The following DGKB variants were observed in gnomAD, a reference collection of about 807,000 sequenced individuals.
The protein encoded by DGKB is 90 kDa diacylglycerol kinase.
Under a neutral mutation model 114.3 loss-of-function variants are expected in DGKB, and 67 were observed. The ratio of observed to expected loss-of-function variants is 0.59; its 90% CI spans 0.48 to 0.72. The LOEUF (loss-of-function observed/expected upper bound fraction) is 0.72, where lower values mean the gene tolerates loss of function less well. Ranked by LOEUF, DGKB falls within the 30% of genes least tolerant of loss-of-function variation. The pLI, the probability that DGKB is intolerant of heterozygous loss-of-function variation, is 0.00. For missense variants in DGKB, 907 were observed against 975.2 expected, an observed-to-expected ratio of 0.93 and a Z score of 0.93; for synonymous variants, 398 against 323.1, an observed-to-expected ratio of 1.23 and a Z score of -2.49.
At chr7:14,779,008 T>G (rs1256579943) in intron 2 of DGKB, among the ~76,000 whole-genome samples, 1 of 151,926 alleles carries the variant, frequency 6.6e-6, no homozygotes, top group East Asian at 1.9e-4. Context: ...CTACACAAAT[T>G]AGCTAGGCGT....
At chr7:14,925,024 T>G (rs181978152) in intron 1 of DGKB, among the ~76,000 whole-genome samples, 1 of 152,292 alleles carries the variant, frequency 6.6e-6, no homozygotes, top group Admixed American at 6.5e-5. Context: ...AATCATACAA[T>G]AGGTAACTTA....
intron 1 of DGKB, among the ~76,000 whole-genome samples, chr7:14,942,848 A>G (rs1026167000): frequency 1.3e-5 from 2 of 152,046 alleles, no homozygotes; most frequent in African/African-American, 2.4e-5. Context: ...TTCACTTGCA[A>G]TCTTCATATC....
At chr7:14,620,794 G>A (rs572007148) in intron 15 of DGKB, among the ~76,000 whole-genome samples, 13 of 151,710 alleles carry the variant, frequency 8.6e-5, no homozygotes, top group African/African-American at 1.2e-4. Context: ...TAACTTACAC[G>A]TTTTTATATA....
intron 6 of DGKB, among the ~76,000 whole-genome samples, chr7:14,703,825 A>T (rs1472341838): frequency 6.6e-6 from 1 of 152,132 alleles, no homozygotes; most frequent in Non-Finnish European, 1.5e-5. Context: ...AAATAATAAC[A>T]TGCTTTATTA....
intron 23 of DGKB, among the ~76,000 whole-genome samples, chr7:14,184,184 A>C (rs1267317462): frequency 1.3e-5 from 2 of 152,286 alleles, no homozygotes; most frequent in East Asian, 3.9e-4. Context: ...ACCATACCAC[A>C]GGGATCCAAC....
rs376950493 is a variant in DGKB, at chr7:14,685,360, G to A, written c.714C>T (p.Asn238=). The A allele has an allele frequency of 7.5e-6, 12 of 1,608,226 alleles. No homozygotes were observed. The East Asian group carries it at 1.8e-4, about 24-fold the overall frequency. Residue 238 remains asparagine, a splice_region_variant and synonymous_variant, in exon 10 of 26, where the codon AAC becomes AAT. Coordinates refer to ENST00000402815, the MANE Select transcript of DGKB (RefSeq NM_001350709.2). ...PLLVLLGLEN[N]VKDDGQHVWR... ...ACACGTGCTGTCCATCATCCTTCAC[G>A]TTCTGCATGGGACGTAAGAGAAACA...
chr7:14,762,722 C>T (rs1390441736), intron 2 of DGKB, among the ~76,000 whole-genome samples: 1 of 152,000 alleles, frequency 6.6e-6, no homozygotes, highest in Non-Finnish European at 1.5e-5. Context: ...TCTCAAAGGC[C>T]CCATGAAGTA....
chr7:14,686,699 C>A (rs947785045), intron 9 of DGKB, among the ~76,000 whole-genome samples: 1 of 152,052 alleles, frequency 6.6e-6, no homozygotes, highest in Admixed American at 6.5e-5. Flanking sequence ...TAGAGAAAAT[C>A]TACAGTAACT....
chr7:14,697,550 C>A (rs556554524), intron 8 of DGKB, among the ~76,000 whole-genome samples: 3 of 151,908 alleles, frequency 2.0e-5, no homozygotes, highest in Admixed American at 6.6e-5. Context: ...CCACATATAC[C>A]TTGTTATCTT....
chr7:14,263,637 C>A (rs1490908095), intron 23 of DGKB, among the ~76,000 whole-genome samples: 1 of 152,170 alleles, frequency 6.6e-6, no homozygotes, highest in Non-Finnish European at 1.5e-5. Flanking sequence ...AACATTCTTT[C>A]TTGCTCTTGA....
intron 20 of DGKB, among the ~76,000 whole-genome samples, chr7:14,515,400 T>C (rs1256855410): frequency 6.6e-6 from 1 of 152,244 alleles, no homozygotes; most frequent in Admixed American, 6.5e-5. Context: ...AGATGGATTG[T>C]ATCTCTGATG....
In DGKB at chr7:14,781,205, A is replaced by G. The variant is rs150641418; in HGVS notation, c.71-23474T>C. ...GGGGCCGACTAACTCACAGCCTTCA[A>G]AAATAACAAGGGTGGAGGGCAATAT... On this transcript the variant is annotated intron_variant, in intron 2 of 25. Coordinates refer to ENST00000402815, the MANE Select transcript of DGKB (RefSeq NM_001350709.2). Among the ~76,000 whole-genome samples, 214 of 152,328 alleles carry G rather than the reference A, an allele frequency of 1.4e-3. 1 individual carries two copies. The highest frequency in any genetic ancestry group is 3.4e-3 in the Middle Eastern group (1 of 294).
At chr7:14,756,046 G>A (rs1246574310) in intron 3 of DGKB, among the ~76,000 whole-genome samples, 1 of 151,934 alleles carries the variant, frequency 6.6e-6, no homozygotes, top group Non-Finnish European at 1.5e-5. Flanking sequence ...TAATTCTCAT[G>A]AAATATATAA....
chr7:14,814,292 C>CTTTA (rs1843807541), intron 2 of DGKB: 2 of 152,134 alleles, frequency 1.3e-5, no homozygotes, highest in Non-Finnish European at 2.9e-5. Flanking sequence ...ATTACAACCA[C>CTTTA]TTTATTACCA....
At chr7:14,638,183 C>T (rs1811094606) in intron 13 of DGKB, among the ~76,000 whole-genome samples, 1 of 152,042 alleles carries the variant, frequency 6.6e-6, no homozygotes, top group Non-Finnish European at 1.5e-5. Context: ...TTTTACAGTA[C>T]CATCTATTGG....
chr7:14,864,620 A>G (rs1851451705), intron 1 of DGKB, among the ~76,000 whole-genome samples: 1 of 152,158 alleles, frequency 6.6e-6, no homozygotes. Context: ...GGCTTTAGAG[A>G]AGAGGTTTTG....
At chr7:14,700,588 A>C (rs1409558144) in intron 7 of DGKB, among the ~76,000 whole-genome samples, 2 of 152,172 alleles carry the variant, frequency 1.3e-5, no homozygotes, top group Non-Finnish European at 2.9e-5. Flanking sequence ...AGTGATGGTC[A>C]TTTCCTAGAG....
At chr7:14,947,917 T>C (rs577830985) in intron 1 of DGKB, among the ~76,000 whole-genome samples, 1 of 151,714 alleles carries the variant, frequency 6.6e-6, no homozygotes, top group South Asian at 2.1e-4. Context: ...AATATTGTGA[T>C]GATTGAAAGG....
At chr7:14,238,017 G>A (rs1793064597) in intron 23 of DGKB, among the ~76,000 whole-genome samples, 1 of 151,854 alleles carries the variant, frequency 6.6e-6, no homozygotes, top group Non-Finnish European at 1.5e-5. Flanking sequence ...CTATTAGATT[G>A]GTGTTTCCTA....
Sources: gnomAD v4.1 joint callset for allele counts (sites outside exome capture counted in the v4.1 genomes callset) on GRCh38, gnomAD v4.1.1 for gene constraint, MANE v1.5 for transcripts, NCBI Gene and HGNC (gene_info 2026-07-23, HGNC 2026-07-21) for gene names.